The following SNX29 variants were observed in gnomAD, a reference collection of about 807,000 sequenced individuals.
SNX29 encodes the protein sorting nexin 29.
Under a neutral mutation model 102.1 loss-of-function variants are expected in SNX29, and 78 were observed. The ratio of observed to expected loss-of-function variants is 0.76; its 90% CI spans 0.64 to 0.92. The LOEUF is 0.92. Among genes scored for constraint, SNX29 ranks in the 40% least tolerant of loss-of-function variants. The probability of loss-of-function intolerance (pLI) is 0.00; values close to 1 mark genes in which losing one functional copy is unlikely to be tolerated. For missense variants in SNX29, 1,280 were observed against 1,061.7 expected (o/e 1.21, Z -2.86); for synonymous variants, 580 against 414.5 (o/e 1.40, Z -4.85).
intron 16 of SNX29, among the ~76,000 whole-genome samples, chr16:12,358,532 A>G (rs1597062135): frequency 6.6e-6 from 1 of 151,802 alleles, no homozygotes; most frequent in African/African-American, 2.4e-5. Flanking sequence ...CTCTCTTTTC[A>G]CCTCTTCCTT....
chr16:12,069,058 T>A lies in SNX29; in HGVS notation c.1245T>A (p.Asp415Glu), dbSNP rs757208925. Residue 415 changes from aspartate to glutamate, a missense_variant and splice_region_variant, in exon 10 of 21, where the codon GAT becomes GAA. By Grantham distance (45) the Asp-to-Glu change is conservative. Coordinates refer to ENST00000566228, the MANE Select transcript of SNX29 (RefSeq NM_032167.5). ...VSGVGSYSPA[D>E]APLGSLENGT... ...TCTGTGATTGCTCTCTCTGCACAGATGCCCCCCTCGGAAGCCTGGAGAACG... is the reference window on the plus strand; with the variant it reads ...TCTGTGATTGCTCTCTCTGCACAGAAGCCCCCCTCGGAAGCCTGGAGAACG... 6.2e-7 allele frequency: 1 copy of A among 1,613,908 alleles called. No homozygotes were observed. Among genetic ancestry groups the A allele is most frequent in the South Asian group, 1.1e-5 (1 of 91,074 alleles).
chr16:12,301,053 C>T (rs1006363082), intron 15 of SNX29, among the ~76,000 whole-genome samples: 1 of 152,220 alleles, frequency 6.6e-6, no homozygotes, highest in Non-Finnish European at 1.5e-5. Flanking sequence ...TCCTAAATGG[C>T]ACCACTTTCC....
chr16:12,027,574 A>G, intron 4 of SNX29, 130 bp downstream of exon 4: 4 of 1,083,168 alleles, frequency 3.7e-6, no homozygotes, highest in Non-Finnish European at 5.2e-6. Flanking sequence ...TGGGCACAGA[A>G]ATCCATGTCT....
chr16:12,084,742 T>G (rs1426926656), intron 11 of SNX29, among the ~76,000 whole-genome samples: 1 of 152,128 alleles, frequency 6.6e-6, no homozygotes, highest in Non-Finnish European at 1.5e-5. Flanking sequence ...ATAACTGTGA[T>G]GTGCTTAGAA....
At chr16:12,544,182 T>G (rs1173400808) in intron 20 of SNX29, among the ~76,000 whole-genome samples, 1 of 152,182 alleles carries the variant, frequency 6.6e-6, no homozygotes, top group Non-Finnish European at 1.5e-5. Context: ...ATCGGTGGTG[T>G]GCACATCAGC....
intron 11 of SNX29, among the ~76,000 whole-genome samples, chr16:12,097,602 C>G (rs1195577922): frequency 6.6e-6 from 1 of 151,820 alleles, no homozygotes; most frequent in Non-Finnish European, 1.5e-5. Flanking sequence ...CTGCATTCCT[C>G]CTGACCTCCC....
intron 15 of SNX29, among the ~76,000 whole-genome samples, chr16:12,354,625 A>G (rs1196086919): frequency 1.3e-5 from 2 of 152,198 alleles, no homozygotes; most frequent in African/African-American, 4.8e-5. Context: ...TAGCAGTAAT[A>G]TCGGCAGCTG....
chr16:12,348,427 A>C (rs1421644203), intron 15 of SNX29, among the ~76,000 whole-genome samples: 1 of 152,156 alleles, frequency 6.6e-6, no homozygotes, highest in South Asian at 2.1e-4. Context: ...CCTTACTGCT[A>C]GGGTCCCCCT....
At chr16:12,006,378 G>A (rs2056453274) in intron 3 of SNX29, among the ~76,000 whole-genome samples, 1 of 151,838 alleles carries the variant, frequency 6.6e-6, no homozygotes, top group Non-Finnish European at 1.5e-5. Context: ...AGCCAGGCAT[G>A]GTGGCACATG....
chr16:12,180,730 C>T (rs780921267), intron 13 of SNX29, among the ~76,000 whole-genome samples: 8 of 152,136 alleles, frequency 5.3e-5, no homozygotes, highest in East Asian at 3.9e-4. Flanking sequence ...CATGATCCAC[C>T]GGCCTCGGCC....
intron 18 of SNX29, among the ~76,000 whole-genome samples, chr16:12,454,909 C>T (rs1394429790): frequency 6.6e-6 from 1 of 152,018 alleles, no homozygotes; most frequent in African/African-American, 2.4e-5. Context: ...CCATGCCTGG[C>T]TAATTATTTC....
At chr16:12,444,257 CGT>C (rs1567569581) in intron 18 of SNX29, among the ~76,000 whole-genome samples, 9 of 142,842 alleles carry the variant, frequency 6.3e-5, no homozygotes, top group African/African-American at 1.6e-4. Context: ...GCACCGAGCA[CGT>C]AGTAAGCACT....
intron 14 of SNX29, among the ~76,000 whole-genome samples, chr16:12,235,476 T>G (rs1179556603): frequency 1.3e-5 from 2 of 152,180 alleles, no homozygotes; most frequent in African/African-American, 2.4e-5. Context: ...GACAGATTTT[T>G]TTTTGTGCAC....
At chr16:12,475,330 A>G (rs544962504) in intron 18 of SNX29, among the ~76,000 whole-genome samples, 39 of 152,370 alleles carry the variant, frequency 2.6e-4, no homozygotes, top group African/African-American at 8.9e-4. Context: ...TCTCCACACC[A>G]GATCTTGGAT....
At chr16:12,561,527 G>C (rs1372249863) in intron 20 of SNX29, among the ~76,000 whole-genome samples, 2 of 152,134 alleles carry the variant, frequency 1.3e-5, no homozygotes, top group African/African-American at 2.4e-5. Context: ...TGAAAAGTTA[G>C]TCTCTCCTCG....
intron 14 of SNX29, among the ~76,000 whole-genome samples, chr16:12,229,547 C>A (rs569151418): frequency 4.6e-5 from 7 of 152,060 alleles, no homozygotes; most frequent in Admixed American, 2.0e-4. Context: ...CCCAAATAAA[C>A]CTTCTTCCTA....
At chr16:12,291,781 C>G (rs917860838) in intron 15 of SNX29, among the ~76,000 whole-genome samples, 3 of 152,108 alleles carry the variant, frequency 2.0e-5, no homozygotes, top group African/African-American at 7.2e-5. Context: ...GGATGGATCC[C>G]CAGATGAAAA....
chr16:12,142,708 C>T (rs963642472), intron 13 of SNX29, among the ~76,000 whole-genome samples: 1 of 151,620 alleles, frequency 6.6e-6, no homozygotes, highest in South Asian at 2.1e-4. Flanking sequence ...GGATTACAGG[C>T]GCCTGCCACC....
At chr16:12,047,771 C>G (rs765516849) in intron 6 of SNX29, among the ~76,000 whole-genome samples, 7 of 151,420 alleles carry the variant, frequency 4.6e-5, no homozygotes, top group Admixed American at 1.3e-4. Context: ...GATTCTCCTG[C>G]TGCAGCCTCC....
Sources: gnomAD v4.1 joint callset for allele counts (sites outside exome capture counted in the v4.1 genomes callset) on GRCh38, gnomAD v4.1.1 for gene constraint, MANE v1.5 for transcripts, NCBI Gene and HGNC (gene_info 2026-07-23, HGNC 2026-07-21) for gene names.